ARHGEF12: variants seen among roughly 807,000 people sequenced by gnomAD.
ARHGEF12 encodes KMT2A/ARHGEF12 fusion protein.
ARHGEF12 carries 66 observed loss-of-function variants against 211.2 expected under a neutral mutation model. That is an observed-to-expected ratio of 0.31 (90% CI 0.26 to 0.38). ARHGEF12 has a LOEUF of 0.38. ARHGEF12 is among the 10% of genes least tolerant of loss of function. The pLI is 1.00. For synonymous variants in ARHGEF12, 592 were observed against 638.4 expected, an observed-to-expected ratio of 0.93 and a Z score of 1.09; for missense variants, 1,429 against 1,869.5, an observed-to-expected ratio of 0.76 and a Z score of 4.34.
intron 21 of ARHGEF12, chr11:120,449,864 A>G (rs1257031880): frequency 6.6e-6 from 1 of 151,360 alleles, no homozygotes; most frequent in Admixed American, 6.6e-5. Flanking sequence ...AGATCTCTCC[A>G]CCACACTGAA....
intron 31 of ARHGEF12, among the ~76,000 whole-genome samples, chr11:120,473,661 G>T (rs554047118): frequency 6.6e-6 from 1 of 152,200 alleles, no homozygotes; most frequent in South Asian, 2.1e-4. Context: ...CTCCCACAGT[G>T]CAGGGATTAC....
intron 22 of ARHGEF12, among the ~76,000 whole-genome samples, chr11:120,456,325 GA>G (rs1182003805): frequency 4.6e-5 from 7 of 152,280 alleles, no homozygotes; most frequent in African/African-American, 1.7e-4. Context: ...AGAGAGTTGA[GA>G]TACTAACTTT....
chr11:120,381,866 T>C (rs540356990), intron 1 of ARHGEF12, among the ~76,000 whole-genome samples: 16 of 152,328 alleles, frequency 1.1e-4, no homozygotes, highest in African/African-American at 3.8e-4. Flanking sequence ...GTCTCTACTT[T>C]TGCATTTTCC....
In ARHGEF12 at chr11:120,428,136, C is replaced by T; in HGVS notation, c.474C>T (p.Asp158=). ...PPGSPQIPLA[D]SEVEPSVIGH... The stretch of plus-strand genomic sequence containing the variant: ...GGTCGCCCCAGATTCCACTTGCCGA[C>T]TCTGAAGTAGAGCCGTCAGTCATTG... The change falls in exon 8 of 41, where the codon GAC becomes GAT. Residue 158 remains aspartate (D), a synonymous_variant. Transcript: ENST00000397843. The T allele has an allele frequency of 1.2e-6, 2 of 1,609,686 alleles. No homozygotes were observed. The highest frequency in any genetic ancestry group is 1.7e-6 in the Non-Finnish European group (2 of 1,178,214).
Position 120,457,790 on chromosome 11 carries a change from G to A in ARHGEF12, c.2225+34G>A, listed in dbSNP as rs369961333. The A allele has an allele frequency of 5.7e-5, 91 of 1,596,110 alleles. No individual in the cohort carries two copies. The African/African-American group carries it at 9.0e-4, about 16-fold the overall frequency. On this transcript the variant is annotated intron_variant, in intron 24 of 40. Coordinates refer to ENST00000397843, the MANE Select transcript of ARHGEF12 (RefSeq NM_015313.3). ...ATCTTAAGCAGCTTTCAATAAAGGC[G>A]CATTTTAAGAAACGTAACCTTTTTT...
chr11:120,439,577 CAT>C (rs1020873451), intron 12 of ARHGEF12: 3 of 152,266 alleles, frequency 2.0e-5, no homozygotes, highest in Non-Finnish European at 4.4e-5. Context: ...AAAATGAAAA[CAT>C]AGAGTTCGAT....
At chr11:120,356,261 C>T (rs543080920) in intron 1 of ARHGEF12, among the ~76,000 whole-genome samples, 2 of 152,322 alleles carry the variant, frequency 1.3e-5, no homozygotes, top group East Asian at 3.9e-4. Context: ...TGCTCTGTCT[C>T]CCAGGCTGGA....
At chr11:120,339,126 G>A (rs1433262343) in intron 1 of ARHGEF12, among the ~76,000 whole-genome samples, 4 of 147,880 alleles carry the variant, frequency 2.7e-5, no homozygotes, top group Non-Finnish European at 5.9e-5. Flanking sequence ...TTCAGGTGCT[G>A]CTGCCTAATT....
rs1175598503 is a variant in ARHGEF12 at position 120,421,429 on chromosome 11, G to GTTTTTTTTTTT, written c.299-372_299-362dup. Among the ~76,000 whole-genome samples the GTTTTTTTTTTT allele has an allele frequency of 1.9e-4, 15 of 79,880 alleles. 5 individuals are homozygous for GTTTTTTTTTTT. In the South Asian group the frequency reaches 5.9e-3, roughly 31 times the overall value. The allele number at this position is 79,880 out of a possible 152,430, so 52.4% of individuals were successfully genotyped here. The stretch of plus-strand genomic sequence containing the variant: ...ATGTAAAGTCTGACTTTACAGCCTT[G>GTTTTTTTTTTT]TTTTTTTTTTTTGTTTTTTTTTTTT... On this transcript the variant is annotated intron_variant, in intron 5 of 40. Transcript: ENST00000397843.
chr11:120,402,045 G>A (rs778712223), intron 1 of ARHGEF12, among the ~76,000 whole-genome samples: 29 of 152,124 alleles, frequency 1.9e-4, no homozygotes, highest in Non-Finnish European at 7.4e-5. Flanking sequence ...TGAGGTATAG[G>A]TAGATGTATT....
intron 6 of ARHGEF12, among the ~76,000 whole-genome samples, chr11:120,422,434 C>G (rs972435356): frequency 6.6e-6 from 1 of 152,112 alleles, no homozygotes; most frequent in African/African-American, 2.4e-5. Flanking sequence ...ATAGTGAGAC[C>G]CTGTCTTTAC....
intron 1 of ARHGEF12, among the ~76,000 whole-genome samples, chr11:120,365,369 T>A (rs1292819213): frequency 6.6e-6 from 1 of 152,126 alleles, no homozygotes; most frequent in Non-Finnish European, 1.5e-5. Flanking sequence ...CTGGGAGATA[T>A]GAGAAGCTCC....
Position 120,336,483 on chromosome 11 carries a change from C to T in ARHGEF12, c.-761C>T, listed in dbSNP as rs1051468553. ...GCCTCCCGGACCAGGGCTTCCAGGC[C>T]GGGCCGGACGGGCATCTCCCGCCCC... On this transcript the variant is annotated 5_prime_UTR_variant, in exon 1 of 41. Coordinates refer to ENST00000397843, the MANE Select transcript of ARHGEF12 (RefSeq NM_015313.3). Among the ~76,000 whole-genome samples the T allele has an allele frequency of 2.6e-5, 4 of 151,970 alleles. No homozygotes were observed. Among genetic ancestry groups the T allele is most frequent in the East Asian group, 1.9e-4 (1 of 5,158 alleles).
At chr11:120,347,270 C>CTGTGTGTGTGTGTGTGTGTG (rs55651421) in intron 1 of ARHGEF12, among the ~76,000 whole-genome samples, 1 of 79,810 alleles carries the variant, frequency 1.3e-5, no homozygotes, top group African/African-American at 4.6e-5. Flanking sequence ...CTCTCTCTGT[C>CTGTGTGTGTGTGTGTGTGTG]TGTGTGTGTG....
rs532537204 is a variant in ARHGEF12, at chr11:120,431,446, C to T, written c.784-325C>T. 2.0e-5 allele frequency among the ~76,000 whole-genome samples: 3 copies of T among 152,134 alleles called. No individual in the cohort carries two copies. In the South Asian group the frequency reaches 6.2e-4, roughly 32 times the overall value. On this transcript the variant is annotated intron_variant, in intron 10 of 40. Transcript: ENST00000397843. ...TAGGGTAATAACCTTTATTAATGGG[C>T]AGACAATATAAATTATATAAATATA...
At chr11:120,389,821 G>A (rs974759349) in intron 1 of ARHGEF12, among the ~76,000 whole-genome samples, 2 of 152,030 alleles carry the variant, frequency 1.3e-5, no homozygotes, top group Admixed American at 6.6e-5. Context: ...CCATAATGAC[G>A]TCCATTTCCA....
At chr11:120,344,344 T>C (rs2135252672) in intron 1 of ARHGEF12, among the ~76,000 whole-genome samples, 1 of 151,096 alleles carries the variant, frequency 6.6e-6, no homozygotes, top group Non-Finnish European at 1.5e-5. Flanking sequence ...ATTGATCTTG[T>C]AATGCAGAAA....
chr11:120,373,207 G>GC (rs1226545448), intron 1 of ARHGEF12, among the ~76,000 whole-genome samples: 2 of 152,090 alleles, frequency 1.3e-5, no homozygotes, highest in Admixed American at 1.3e-4. Context: ...AAGTGACAAG[G>GC]CCCCTCCCCT....
chr11:120,423,319 C>A (rs1945251698), intron 6 of ARHGEF12, among the ~76,000 whole-genome samples: 1 of 151,966 alleles, frequency 6.6e-6, no homozygotes, highest in South Asian at 2.1e-4. Context: ...TTAGGTAAAA[C>A]CTGTTTGGAT....
Sources: allele counts gnomAD v4.1 joint callset (sites outside exome capture counted in the v4.1 genomes callset), GRCh38; gene constraint gnomAD v4.1.1; transcripts MANE v1.5; gene names NCBI Gene and HGNC (gene_info 2026-07-23, HGNC 2026-07-21).